The following CORO2A variants were observed in gnomAD, a reference collection of about 807,000 sequenced individuals.
CORO2A encodes the protein coronin-2A.
A neutral mutation model predicts 62.4 loss-of-function variants in CORO2A; 47 were observed. That is an observed-to-expected ratio of 0.75 (90% CI 0.60 to 0.96). The LOEUF (loss-of-function observed/expected upper bound fraction) is 0.96, where lower values mean the gene tolerates loss of function less well. Among genes scored for constraint, CORO2A ranks in the 40% least tolerant of loss-of-function variants. The probability of loss-of-function intolerance (pLI) is 0.00; values close to 1 mark genes in which losing one functional copy is unlikely to be tolerated. For missense variants in CORO2A, 610 were observed against 684.1 expected (o/e 0.89, Z 1.21); for synonymous variants, 273 against 268.9 (o/e 1.02, Z -0.15).
intron 1 of CORO2A, among the ~76,000 whole-genome samples, chr9:98,187,938 T>C (rs968399846): frequency 5.3e-5 from 8 of 152,240 alleles, no homozygotes; most frequent in African/African-American, 1.9e-4. Flanking sequence ...GTAACTTTTC[T>C]GTATTTTTGT....
chr9:98,174,076 C>T (rs1387050929), intron 1 of CORO2A, among the ~76,000 whole-genome samples: 2 of 151,816 alleles, frequency 1.3e-5, no homozygotes, highest in Non-Finnish European at 2.9e-5. Flanking sequence ...CATTGCACTC[C>T]AGCCTGGGCA....
At chr9:98,171,682 A>C (rs889775541) in intron 1 of CORO2A, among the ~76,000 whole-genome samples, 2 of 151,624 alleles carry the variant, frequency 1.3e-5, no homozygotes, top group African/African-American at 4.9e-5. Context: ...AGGGAAGGGG[A>C]GGCATGGGGT....
chr9:98,168,931 T>C lies in CORO2A; in HGVS notation c.1-11271A>G, dbSNP rs540305884. ...ATCAAAAAGAATCCAAGAGAGTGCA[T>C]TTGTGCATCTCTCCGGGCTGGGTTC... On this transcript the variant is annotated intron_variant, in intron 1 of 11. Coordinates refer to ENST00000375077, the MANE Select transcript of CORO2A (RefSeq NM_052820.4). Among the ~76,000 whole-genome samples the C allele has an allele frequency of 2.6e-5, 4 of 152,224 alleles. No homozygotes were observed. The East Asian group carries it at 5.8e-4, about 22-fold the overall frequency.
intron 8 of CORO2A, among the ~76,000 whole-genome samples, chr9:98,129,010 G>A (rs1336527230): frequency 6.6e-6 from 1 of 152,064 alleles, no homozygotes; most frequent in African/African-American, 2.4e-5. Flanking sequence ...ATAGCTCACC[G>A]CAGTCTCACA....
chr9:98,135,070 TA>T, intron 3 of CORO2A, 115 bp from the exon 4 acceptor site: 1 of 1,345,260 alleles, frequency 7.4e-7, no homozygotes, highest in Admixed American at 2.4e-5. Context: ...GCTCTCTCCA[TA>T]GCCACCTCCC....
chr9:98,146,128 G>A (rs755230158), intron 2 of CORO2A, among the ~76,000 whole-genome samples: 1 of 152,154 alleles, frequency 6.6e-6, no homozygotes, highest in Non-Finnish European at 1.5e-5. Flanking sequence ...TCTACTCCCA[G>A]CAGGGTTCCA....
At chr9:98,138,831 G>A (rs543557811) in intron 2 of CORO2A, among the ~76,000 whole-genome samples, 4 of 151,574 alleles carry the variant, frequency 2.6e-5, no homozygotes, top group East Asian at 2.0e-4. Flanking sequence ...GGTGGATCAC[G>A]AGGTCAGGAG....
intron 1 of CORO2A, among the ~76,000 whole-genome samples, chr9:98,158,387 A>G (rs566239628): frequency 6.6e-6 from 1 of 152,360 alleles, no homozygotes; most frequent in South Asian, 2.1e-4. Flanking sequence ...CATGGCAGAT[A>G]CTTGATCAAC....
Position 98,156,763 on chromosome 9 carries a change from T to C in CORO2A, c.201+697A>G, listed in dbSNP as rs60338078. On this transcript the variant is annotated intron_variant, in intron 2 of 11. Transcript: ENST00000375077. ...TGTGATCTTTGTGGATTCATATTTC[T>C]CTATGTTTAATCTGTGGGGATCCTG... 2.1e-3 allele frequency among the ~76,000 whole-genome samples: 327 copies of C among 152,344 alleles called. 1 individual carries two copies. The highest frequency in any genetic ancestry group is 6.4e-3 in the African/African-American group (267 of 41,560).
At chr9:98,137,438 ACAC>A in intron 3 of CORO2A, 131 bp downstream of exon 3, 2 of 733,758 alleles carry the variant, frequency 2.7e-6, no homozygotes, top group Non-Finnish European at 4.8e-6. Flanking sequence ...CCTTAACTTA[ACAC>A]CTCCCCACAC....
At chr9:98,141,687 C>T (rs1225867204) in intron 2 of CORO2A, among the ~76,000 whole-genome samples, 1 of 152,186 alleles carries the variant, frequency 6.6e-6, no homozygotes, top group Non-Finnish European at 1.5e-5. Flanking sequence ...CCAGGACATC[C>T]TGTACACTGT....
At chr9:98,154,850 C>T (rs1827781426) in intron 2 of CORO2A, among the ~76,000 whole-genome samples, 1 of 152,158 alleles carries the variant, frequency 6.6e-6, no homozygotes, top group Non-Finnish European at 1.5e-5. Flanking sequence ...CTTGGACATA[C>T]AGGTTTTCCC....
chr9:98,173,090 G>A (rs1024690754), intron 1 of CORO2A, among the ~76,000 whole-genome samples: 1 of 152,176 alleles, frequency 6.6e-6, no homozygotes, highest in Non-Finnish European at 1.5e-5. Flanking sequence ...GGATCGCTTA[G>A]GGCCAGGAGT....
intron 7 of CORO2A, 117 bp from the exon 8 acceptor site, chr9:98,130,007 T>A (rs1827382667): frequency 7.1e-6 from 5 of 702,524 alleles, no homozygotes; most frequent in Non-Finnish European, 1.3e-5. Context: ...CAAACCCATC[T>A]CACTCAAGGG....
chr9:98,192,523 C>T (rs1164245765), intron 1 of CORO2A, 36 bp downstream of exon 1: 2 of 151,938 alleles, frequency 1.3e-5, no homozygotes, highest in Admixed American at 6.6e-5. Flanking sequence ...TCGCGCAGAC[C>T]GGGAAGGCAC....
At position 98,132,573 on chromosome 9, in the gene CORO2A, T is replaced by C. The variant is rs1421186800; in HGVS notation, c.649-272A>G. ...GCGCCCTGTTCTTGCTGAAAGAGTA[T>C]TGGGCATCCCTACAGGGGCGGGCAC... is the stretch of plus-strand genomic sequence containing the variant. On this transcript the variant is annotated intron_variant, in intron 5 of 11. Coordinates refer to ENST00000375077, the MANE Select transcript of CORO2A (RefSeq NM_052820.4). Among the ~76,000 whole-genome samples the C allele has an allele frequency of 3.3e-5, 5 of 152,200 alleles. No individual in the cohort carries two copies. The South Asian group carries it at 1.0e-3, about 32-fold the overall frequency.
chr9:98,167,103 CA>C (rs35581733), intron 1 of CORO2A, among the ~76,000 whole-genome samples: 20,367 of 98,752 alleles, frequency 0.21, 1,414 homozygotes, highest in African/African-American at 0.29. Context: ...GATCCTGTCT[CA>C]AAAAAAAAAA....
In CORO2A at chr9:98,129,851, T is replaced by C; in HGVS notation, c.910A>G (p.Lys304Glu). Residue 304 changes from lysine to glutamate, a missense_variant, in exon 8 of 12, where the codon AAG (lysine) becomes GAG (glutamate). By Grantham distance (56) the Lys-to-Glu change is moderately conservative (BLOSUM62 1). Coordinates refer to ENST00000375077, the MANE Select transcript of CORO2A (RefSeq NM_052820.4). ...NIRYYEVSAD[K>E]PHLSYLTEYR... ...TCAGTCAGGTAGCTCAGGTGAGGCTTGTCGGCGCTCACCTCGTAGTAGCGG... is the reference window on the plus strand; with the variant it reads ...TCAGTCAGGTAGCTCAGGTGAGGCTCGTCGGCGCTCACCTCGTAGTAGCGG... The C allele has an allele frequency of 6.2e-7, 1 of 1,614,116 alleles. No individual in the cohort carries two copies. Among genetic ancestry groups the C allele is most frequent in the South Asian group, 1.1e-5 (1 of 91,086 alleles).
At chr9:98,134,705 C>T (rs765862971) in intron 4 of CORO2A, 101 bp downstream of exon 4, 20 of 1,362,132 alleles carry the variant, frequency 1.5e-5, no homozygotes, top group Admixed American at 5.4e-5. Flanking sequence ...CCTTGATTTT[C>T]GATTTCTGGT....
Sources: gnomAD v4.1 joint callset for allele counts (sites outside exome capture counted in the v4.1 genomes callset) on GRCh38, gnomAD v4.1.1 for gene constraint, MANE v1.5 for transcripts, NCBI Gene and HGNC (gene_info 2026-07-23, HGNC 2026-07-21) for gene names.